The following SIX3 variants were observed in gnomAD, a reference collection of about 807,000 sequenced individuals.
SIX3 encodes homeobox protein SIX3.
SIX3 carries 2 observed loss-of-function variants against 21.7 expected under a neutral mutation model. That is an observed-to-expected ratio of 0.09 (90% CI 0.04 to 0.29). The LOEUF (loss-of-function observed/expected upper bound fraction) is 0.29. Ranked by LOEUF, SIX3 falls within the 10% of genes least tolerant of loss-of-function variation. The pLI is 1.00. For synonymous variants in SIX3, 243 were observed against 220.6 expected, an observed-to-expected ratio of 1.10 and a Z score of -0.90; for missense variants, 347 against 480.7, an observed-to-expected ratio of 0.72 and a Z score of 2.60.
At position 44,944,601 on chromosome 2, in the gene SIX3, G is replaced by A. The variant is rs1275748806; in HGVS notation, c.840G>A (p.Met280Ile). The change falls in exon 2 of 2, where the codon ATG becomes ATA. Residue 280 changes from methionine to isoleucine, a missense_variant. By Grantham distance (10) the Met-to-Ile change is conservative (BLOSUM62 1). Transcript: ENST00000260653. ...ACCAGGCCATTGGACCGAGCGGCAT[G>A]CGCTCGCTGGCCGAGCCCGGCTGCC... is the stretch of plus-strand genomic sequence containing the variant. ...LQHQAIGPSG[M>I]RSLAEPGCPT... 3.8e-6 allele frequency: 6 copies of A among 1,576,290 alleles called. No homozygotes were observed. Among genetic ancestry groups the A allele is most frequent in the Non-Finnish European group, 4.3e-6 (5 of 1,168,190 alleles).
In SIX3 at chr2:44,941,922, G is replaced by C; in HGVS notation, c.-183G>C. On this transcript the variant is annotated 5_prime_UTR_variant, in exon 1 of 2. Transcript: ENST00000260653. ...CGCGGGTGTGTGTGTGTGTGGATGTGTGTGGGGTGTGGGTGTCCCTTACGC... is the reference window on the plus strand; with the variant it reads ...CGCGGGTGTGTGTGTGTGTGGATGTCTGTGGGGTGTGGGTGTCCCTTACGC... 1.7e-6 allele frequency: 1 copy of C among 587,820 alleles called. No individual in the cohort carries two copies. The highest frequency in any genetic ancestry group is 3.2e-6 in the Non-Finnish European group (1 of 315,324). The allele number at this position is 587,820 out of a possible 1,614,324, so 36.4% of individuals were successfully genotyped here. A position where few individuals can be genotyped will look rare whatever the true frequency, so the allele number is the denominator to read the frequency against.
chr2:44,942,844 C>A lies in SIX3; in HGVS notation c.740C>A (p.Pro247His). ...CTGGCGCAGGCCACCGGCCTCACTC[C>A]CACACAAGTAGGCAACTGGTTTAAG... ...RELAQATGLT[P>H]TQVGNWFKNR... The change falls in exon 1 of 2, where the codon CCC becomes CAC. Residue 247 changes from proline (P) to histidine (H), a missense_variant. Physicochemically the swap from Pro to His is moderately conservative, Grantham distance 77 (BLOSUM62 -2). Around this residue, in one of 4 missense-constraint regions of SIX3, gnomAD observed 15 missense variants for 65.4 expected, o/e 0.23. Transcript: ENST00000260653. The surrounding 1 kb of genome is among the most constrained non-coding windows in gnomAD (Gnocchi z 8.4). 1 of 1,599,390 alleles carries A rather than the reference C, an allele frequency of 6.3e-7. No individual in the cohort carries two copies. The highest frequency in any genetic ancestry group is 8.5e-7 in the Non-Finnish European group (1 of 1,179,916).
chr2:44,944,423 G>A, intron 1 of SIX3, 145 bp from the exon 2 acceptor site: 2 of 929,188 alleles, frequency 2.2e-6, no homozygotes, highest in East Asian at 2.6e-5. Flanking sequence ...AAGCGGCCGG[G>A]CTCGGGTTCT....
In SIX3 at chr2:44,942,048, C is replaced by T. The variant is rs1307252008; in HGVS notation, c.-57C>T. 7.1e-7 allele frequency: 1 copy of T among 1,417,676 alleles called. No homozygotes were observed. The highest frequency in any genetic ancestry group is 9.8e-7 in the Non-Finnish European group (1 of 1,024,672). 87.8% of individuals were successfully genotyped at this position (1,417,676 alleles called of 1,614,324 possible). A position where few individuals can be genotyped will look rare whatever the true frequency, so the allele number is the denominator to read the frequency against. Reference sequence around the variant, plus strand: ...TGGTCCTCATCGCCCCTCTCCTCCTCTTCCTCCCCTCTCTCTTCCTCTCCC... The same window carrying T: ...TGGTCCTCATCGCCCCTCTCCTCCTTTTCCTCCCCTCTCTCTTCCTCTCCC... On this transcript the variant is annotated 5_prime_UTR_variant, in exon 1 of 2. Coordinates refer to ENST00000260653, the MANE Select transcript of SIX3 (RefSeq NM_005413.4). The surrounding 1 kb of genome is among the most constrained non-coding windows in gnomAD (Gnocchi z 8.4).
rs1320535612 is a variant in SIX3, at chr2:44,944,928, C to T, written c.*168C>T. ...ACATACAAGTCCACACACACTCCCA[C>T]CCCAGCCAAAAATATATAAAAAACA... On this transcript the variant is annotated 3_prime_UTR_variant, in exon 2 of 2. Transcript: ENST00000260653. 5 of 646,646 alleles carry T rather than the reference C, an allele frequency of 7.7e-6. No homozygotes were observed. The Admixed American group carries it at 1.1e-4, about 14-fold the overall frequency. The allele number at this position is 646,646 out of a possible 1,614,324, so 40.1% of individuals were successfully genotyped here.
chr2:44,942,003 C>T lies in SIX3; in HGVS notation c.-102C>T, dbSNP rs1441593071. On this transcript the variant is annotated 5_prime_UTR_variant, in exon 1 of 2. Coordinates refer to ENST00000260653, the MANE Select transcript of SIX3 (RefSeq NM_005413.4). This position sits in a 1 kb window ranked among gnomAD's most constrained non-coding sequence, Gnocchi z 8.4. ...CCCCTCCTTTCCTTCTCCTCCTCCC[C>T]CCTCTCCTCTCCCTCCTCCTGGTCC... The T allele has an allele frequency of 1.6e-5, 13 of 830,574 alleles. No individual in the cohort carries two copies. Among genetic ancestry groups the T allele is most frequent in the South Asian group, 4.0e-5 (3 of 74,606 alleles). The allele number at this position is 830,574 out of a possible 1,614,324, so 51.5% of individuals were successfully genotyped here. A position where few individuals can be genotyped will look rare whatever the true frequency, so the allele number is the denominator to read the frequency against.
rs1038212877 is a variant in SIX3 at position 44,945,888 on chromosome 2, C to T, written c.*1128C>T. The T allele has an allele frequency of 1.3e-5, 2 of 152,216 alleles. No individual in the cohort carries two copies. Among genetic ancestry groups the T allele is most frequent in the African/African-American group, 4.8e-5 (2 of 41,442 alleles). 9.4% of individuals were successfully genotyped at this position (152,216 alleles called of 1,614,324 possible). Reference sequence around the variant, plus strand: ...CCTGGGTTAGGAAGAGGGACCCTGTCGCTAGCAAAAGCGGAGAGTGAGATT... The same window carrying T: ...CCTGGGTTAGGAAGAGGGACCCTGTTGCTAGCAAAAGCGGAGAGTGAGATT... On this transcript the variant is annotated 3_prime_UTR_variant, in exon 2 of 2. Transcript: ENST00000260653.
Position 44,942,356 on chromosome 2 carries a change from C to G in SIX3, c.252C>G (p.Thr84=). 1 of 1,597,492 alleles carries G rather than the reference C, an allele frequency of 6.3e-7. No individual in the cohort carries two copies. The highest frequency in any genetic ancestry group is 8.5e-7 in the Non-Finnish European group (1 of 1,179,498). ...AGTTGTCCATGTTCCAGCTGCCCAC[C>G]CTCAACTTCTCGCCGGAGCAGGTGG... ...PEELSMFQLP[T]LNFSPEQVAS... The change falls in exon 1 of 2, where the codon ACC becomes ACG. Residue 84 remains threonine (T), a synonymous_variant. Transcript: ENST00000260653. This position sits in a 1 kb window ranked among gnomAD's most constrained non-coding sequence, Gnocchi z 8.4.
rs1321542591 is a variant in SIX3, at chr2:44,945,751, C to T, written c.*991C>T. ...TTCTCCTCTCCCTTTCTCTTTCTCT[C>T]CTCTCCCTCTCTCTGTCTTTCTCCC... On this transcript the variant is annotated 3_prime_UTR_variant, in exon 2 of 2. Coordinates refer to ENST00000260653, the MANE Select transcript of SIX3 (RefSeq NM_005413.4). 6.6e-6 allele frequency: 1 copy of T among 152,118 alleles called. No homozygotes were observed. The highest frequency in any genetic ancestry group is 1.5e-5 in the Non-Finnish European group (1 of 68,034). The allele number at this position is 152,118 out of a possible 1,614,324, so 9.4% of individuals were successfully genotyped here. A position where few individuals can be genotyped will look rare whatever the true frequency, so the allele number is the denominator to read the frequency against.
rs1458941028 is a variant in SIX3, at chr2:44,946,058, C to G, written c.*1298C>G. The G allele has an allele frequency of 2.6e-5, 4 of 152,264 alleles. No homozygotes were observed. Among genetic ancestry groups the G allele is most frequent in the East Asian group, 3.8e-4 (2 of 5,206 alleles). The allele number at this position is 152,264 out of a possible 1,614,324, so 9.4% of individuals were successfully genotyped here. ...CTTTCTAAAGCAAATACAGTATTCT[C>G]CATTTTCTTATCACTCCCAGAGACT... On this transcript the variant is annotated 3_prime_UTR_variant, in exon 2 of 2. Coordinates refer to ENST00000260653, the MANE Select transcript of SIX3 (RefSeq NM_005413.4).
In SIX3 at chr2:44,944,682, G is replaced by A. The variant is rs1447119085; in HGVS notation, c.921G>A (p.Val307=). ...PSTAASPTTS[V]SSLTERADTG... is the part of the protein sequence containing the mutation. ...CGGCGGCCAGCCCGACCACCAGCGT[G>A]TCCAGCCTGACGGAGCGCGCAGACA... The change falls in exon 2 of 2, where the codon GTG becomes GTA. Residue 307 remains valine, a synonymous_variant. Coordinates refer to ENST00000260653, the MANE Select transcript of SIX3 (RefSeq NM_005413.4). 6.3e-7 allele frequency: 1 copy of A among 1,584,950 alleles called. No individual in the cohort carries two copies. The highest frequency in any genetic ancestry group is 8.5e-7 in the Non-Finnish European group (1 of 1,173,312).
At chr2:44,943,136 T>A (rs1666613094) in intron 1 of SIX3, among the ~76,000 whole-genome samples, 12 of 152,028 alleles carry the variant, frequency 7.9e-5, no homozygotes, top group Admixed American at 5.2e-4. Context: ...GCAGAGAGTG[T>A]GTGCTTGCGA....
rs1380662376 is a variant in SIX3 at position 44,941,759 on chromosome 2, G to A, written c.-346G>A. ...AGGCTGTTGTCATTAGGGCGATTGC[G>A]GTGGAATCGCTGAATCTTGACTCGG... is the stretch of plus-strand genomic sequence containing the variant. On this transcript the variant is annotated 5_prime_UTR_variant, in exon 1 of 2. Coordinates refer to ENST00000260653, the MANE Select transcript of SIX3 (RefSeq NM_005413.4). 1.6e-5 allele frequency: 5 copies of A among 309,624 alleles called. No individual in the cohort carries two copies. The highest frequency in any genetic ancestry group is 8.6e-5 in the African/African-American group (4 of 46,766). 19.2% of individuals were successfully genotyped at this position (309,624 alleles called of 1,614,324 possible).
chr2:44,943,194 T>G (rs1489029185), intron 1 of SIX3, among the ~76,000 whole-genome samples: 2 of 152,204 alleles, frequency 1.3e-5, no homozygotes, highest in Non-Finnish European at 2.9e-5. Flanking sequence ...GCTGCACCCG[T>G]GCCTGCCTCC....
Position 44,945,297 on chromosome 2 carries a change from G to A in SIX3, c.*537G>A, listed in dbSNP as rs1376037772. Reference sequence around the variant, plus strand: ...AAAAAGAAAAAAAATCGCCGTCTCCGTTCCGAATTTGTTAAAAAAAAAAAA... The same window carrying A: ...AAAAAGAAAAAAAATCGCCGTCTCCATTCCGAATTTGTTAAAAAAAAAAAA... On this transcript the variant is annotated 3_prime_UTR_variant, in exon 2 of 2. Transcript: ENST00000260653. 1 of 74,744 alleles carries A rather than the reference G, an allele frequency of 1.3e-5. No homozygotes were observed. The highest frequency in any genetic ancestry group is 2.5e-5 in the Non-Finnish European group (1 of 40,570). 4.6% of individuals were successfully genotyped at this position (74,744 alleles called of 1,614,324 possible).
Position 44,942,069 on chromosome 2 carries a change from C to T in SIX3, c.-36C>T, listed in dbSNP as rs745758203. 35 of 1,538,060 alleles carry T rather than the reference C, an allele frequency of 2.3e-5. No individual in the cohort carries two copies. The highest frequency in any genetic ancestry group is 2.8e-5 in the Non-Finnish European group (32 of 1,129,596). On this transcript the variant is annotated 5_prime_UTR_variant, in exon 1 of 2. Transcript: ENST00000260653. The surrounding 1 kb of genome is among the most constrained non-coding windows in gnomAD (Gnocchi z 8.4). ...TCCTCTTCCTCCCCTCTCTCTTCCT[C>T]TCCCTGAATTTTCTCCTCTCCTCTC...
chr2:44,944,716 T>G lies in SIX3; in HGVS notation c.955T>G (p.Ser319Ala). Reference sequence around the variant, plus strand: ...GACGGAGCGCGCAGACACCGGCACCTCCATCCTCTCGGTAACCTCCAGCGA... The same window carrying G: ...GACGGAGCGCGCAGACACCGGCACCGCCATCCTCTCGGTAACCTCCAGCGA... ...SLTERADTGT[S>A]ILSVTSSDSE... Residue 319 changes from serine to alanine, a missense_variant, in exon 2 of 2, where the codon TCC becomes GCC. Ser to Ala is a moderately conservative substitution (Grantham distance 99, BLOSUM62 1). Coordinates refer to ENST00000260653, the MANE Select transcript of SIX3 (RefSeq NM_005413.4). 6.3e-7 allele frequency: 1 copy of G among 1,588,750 alleles called. No homozygotes were observed. The highest frequency in any genetic ancestry group is 8.5e-7 in the Non-Finnish European group (1 of 1,175,052).
At position 44,942,940 on chromosome 2, in the gene SIX3, A is replaced by T. The variant is rs770986070; in HGVS notation, c.806+30A>T. The stretch of plus-strand genomic sequence containing the variant: ...GTGGCGGGGCCCGCGGCCTGGCTAC[A>T]GCCTCAGAGGCCTGGGAAGGGGAGA... On this transcript the variant is annotated intron_variant, in intron 1 of 1. Coordinates refer to ENST00000260653, the MANE Select transcript of SIX3 (RefSeq NM_005413.4). This position sits in a 1 kb window ranked among gnomAD's most constrained non-coding sequence, Gnocchi z 8.4. 1 of 1,588,898 alleles carries T rather than the reference A, an allele frequency of 6.3e-7. No homozygotes were observed. Among genetic ancestry groups the T allele is most frequent in the East Asian group, 2.2e-5 (1 of 44,472 alleles).
chr2:44,944,840 C>G lies in SIX3; in HGVS notation c.*80C>G, dbSNP rs941535696. The G allele has an allele frequency of 5.5e-6, 7 of 1,278,810 alleles. No individual in the cohort carries two copies. In the East Asian group the frequency reaches 1.8e-4, roughly 32 times the overall value. The allele number at this position is 1,278,810 out of a possible 1,614,324, so 79.2% of individuals were successfully genotyped here. A position where few individuals can be genotyped will look rare whatever the true frequency, so the allele number is the denominator to read the frequency against. On this transcript the variant is annotated 3_prime_UTR_variant, in exon 2 of 2. Transcript: ENST00000260653. ...CCGCCTCCTAGCCCTCCTCCTCTTC[C>G]TCCTCTTCCTTCTCCTCCTCCATCC...
Sources: allele counts gnomAD v4.1 joint callset (sites outside exome capture counted in the v4.1 genomes callset), GRCh38; gene constraint gnomAD v4.1.1; regional missense constraint gnomAD v4.1.1; non-coding constraint Gnocchi (gnomAD v3.1); transcripts MANE v1.5; gene names NCBI Gene and HGNC (gene_info 2026-07-23, HGNC 2026-07-21).